Variants in ADGRG6 observed in about 807,000 individuals in gnomAD.
The protein encoded by ADGRG6 is adhesion G protein-coupled receptor G6.
In ADGRG6, 84 loss-of-function variants were observed where a neutral mutation model predicts 142.4. The ratio of observed to expected loss-of-function variants is 0.59; its 90% CI spans 0.49 to 0.71. The LOEUF (loss-of-function observed/expected upper bound fraction) is 0.71. Ranked by LOEUF, ADGRG6 falls within the 30% of genes least tolerant of loss-of-function variation. The pLI, the probability that ADGRG6 is intolerant of heterozygous loss-of-function variation, is 0.00. For synonymous variants in ADGRG6, 521 were observed against 520.5 expected, an observed-to-expected ratio of 1.00 and a Z score of -0.01; for missense variants, 1,367 against 1,466.6, an observed-to-expected ratio of 0.93 and a Z score of 1.11.
chr6:142,317,683 C>T (rs941432433), intron 2 of ADGRG6, among the ~76,000 whole-genome samples: 24 of 123,486 alleles, frequency 1.9e-4, no homozygotes, highest in African/African-American at 7.6e-4. Context: ...AAATGAGCAT[C>T]TTACTGCTCA....
At chr6:142,428,177 CACAT>C (rs1346809563) in intron 22 of ADGRG6, among the ~76,000 whole-genome samples, 1 of 152,056 alleles carries the variant, frequency 6.6e-6, no homozygotes, top group African/African-American at 2.4e-5. Context: ...TATGGGTACT[CACAT>C]AAATTTGAAG....
intron 2 of ADGRG6, among the ~76,000 whole-genome samples, chr6:142,363,165 A>G (rs892528447): frequency 6.6e-6 from 1 of 152,190 alleles, no homozygotes; most frequent in Non-Finnish European, 1.5e-5. Context: ...AGAAGCAATT[A>G]TTCAATATCA....
At chr6:142,436,984 T>C (rs1205455229) in intron 22 of ADGRG6, among the ~76,000 whole-genome samples, 2 of 152,228 alleles carry the variant, frequency 1.3e-5, no homozygotes, top group African/African-American at 2.4e-5. Context: ...AATATAACTA[T>C]AATATACATA....
chr6:142,395,122 T>C (rs951092840), intron 9 of ADGRG6, among the ~76,000 whole-genome samples: 1 of 152,188 alleles, frequency 6.6e-6, no homozygotes, highest in African/African-American at 2.4e-5. Context: ...GAAAGTTATA[T>C]TGAAAGATGT....
Position 142,312,314 on chromosome 6 carries a change from A to G in ADGRG6, c.103+2670A>G, listed in dbSNP as rs145890431. Among the ~76,000 whole-genome samples the G allele has an allele frequency of 7.4e-3, 1,121 of 152,200 alleles. 7 individuals carry two copies. The highest frequency in any genetic ancestry group is 0.061 in the Middle Eastern group (18 of 294). The stretch of plus-strand genomic sequence containing the variant: ...ATAGAATTGCAGTATTAAGTTTGCT[A>G]GTAGGTAAGTTAACATTTATATTTC... On this transcript the variant is annotated intron_variant, in intron 2 of 24. Coordinates refer to ENST00000367609, the MANE Select transcript of ADGRG6 (RefSeq NM_198569.3).
chr6:142,367,955 A>T, intron 3 of ADGRG6, 45 bp downstream of exon 3: 1 of 1,089,206 alleles, frequency 9.2e-7, no homozygotes, highest in South Asian at 1.4e-5. Flanking sequence ...TTTATTTAAC[A>T]TGTTCTGCAG....
intron 22 of ADGRG6, among the ~76,000 whole-genome samples, chr6:142,422,280 C>T (rs1776695876): frequency 6.6e-6 from 1 of 151,980 alleles, no homozygotes; most frequent in African/African-American, 2.4e-5. Context: ...CGTCATCTAG[C>T]ATTAGGTATA....
At chr6:142,377,468 G>C (rs954248716) in intron 4 of ADGRG6, among the ~76,000 whole-genome samples, 2 of 152,186 alleles carry the variant, frequency 1.3e-5, no homozygotes, top group African/African-American at 4.8e-5. Flanking sequence ...TTCCTCATCT[G>C]CACGAAAGCA....
At chr6:142,346,730 A>G (rs1412504567) in intron 2 of ADGRG6, among the ~76,000 whole-genome samples, 1 of 152,152 alleles carries the variant, frequency 6.6e-6, no homozygotes, top group South Asian at 2.1e-4. Flanking sequence ...TTGCAGGGAC[A>G]TGAATGAAGC....
intron 2 of ADGRG6, among the ~76,000 whole-genome samples, chr6:142,338,923 C>CA (rs1779483263): frequency 6.6e-6 from 1 of 152,048 alleles, no homozygotes; most frequent in Non-Finnish European, 1.5e-5. Flanking sequence ...CTCATTATTC[C>CA]AAAAAATTAT....
intron 4 of ADGRG6, among the ~76,000 whole-genome samples, chr6:142,378,139 G>A (rs1781587021): frequency 6.6e-6 from 1 of 152,178 alleles, no homozygotes; most frequent in South Asian, 2.1e-4. Context: ...AAATGTTCAA[G>A]AAAATTGTTA....
At chr6:142,410,415 C>T (rs926173055) in intron 17 of ADGRG6, among the ~76,000 whole-genome samples, 3 of 151,872 alleles carry the variant, frequency 2.0e-5, no homozygotes, top group African/African-American at 7.3e-5. Flanking sequence ...AGATGAAGAG[C>T]CTGCAGAATT....
rs1776577087 is a variant in ADGRG6 at position 142,419,940 on chromosome 6, G to A, written c.3155G>A (p.Gly1052Asp). The A allele has an allele frequency of 6.2e-7, 1 of 1,613,374 alleles. No homozygotes were observed. Among genetic ancestry groups the A allele is most frequent in the Non-Finnish European group, 8.5e-7 (1 of 1,179,608 alleles). The change falls in exon 22 of 25, where the codon GGC becomes GAC. Residue 1052 changes from glycine to aspartate, a missense_variant. Around this residue, in one of 3 missense-constraint regions of ADGRG6, gnomAD observed 344 missense variants for 348.7 expected, o/e 0.99. Coordinates refer to ENST00000367609, the MANE Select transcript of ADGRG6 (RefSeq NM_198569.3). ...ATGGTGCAGATCTGTGGGAGGAATG[G>A]CAAGAGAAGCAACCGGACCCTGAGA... is the stretch of plus-strand genomic sequence containing the variant. ...VVMVQICGRN[G>D]KRSNRTLREE...
chr6:142,393,771 G>A, intron 8 of ADGRG6, 125 bp from the exon 9 acceptor site: 1 of 653,270 alleles, frequency 1.5e-6, no homozygotes. Flanking sequence ...AGAACCTCAG[G>A]ACACACATTT....
At chr6:142,393,379 T>C (rs1287276271) in intron 8 of ADGRG6, among the ~76,000 whole-genome samples, 3 of 152,070 alleles carry the variant, frequency 2.0e-5, no homozygotes, top group Non-Finnish European at 2.9e-5. Context: ...CAGATCTAAT[T>C]TCGTACATCG....
At chr6:142,426,008 G>A (rs1317314115) in intron 22 of ADGRG6, among the ~76,000 whole-genome samples, 1 of 152,094 alleles carries the variant, frequency 6.6e-6, no homozygotes, top group Non-Finnish European at 1.5e-5. Flanking sequence ...CATGATGTGT[G>A]GGAATTGTGG....
intron 2 of ADGRG6, among the ~76,000 whole-genome samples, chr6:142,329,783 G>A (rs1778950265): frequency 6.6e-6 from 1 of 152,102 alleles, no homozygotes. Flanking sequence ...TGCATTCTTG[G>A]TTACTCCTTA....
intron 2 of ADGRG6, among the ~76,000 whole-genome samples, chr6:142,317,829 T>TA (rs1778187820): frequency 1.2e-5 from 1 of 86,530 alleles, no homozygotes; most frequent in African/African-American, 4.9e-5. Context: ...TTAATTTATA[T>TA]TATATATATT....
chr6:142,307,315 G>C (rs749712028), intron 1 of ADGRG6, among the ~76,000 whole-genome samples: 11 of 152,066 alleles, frequency 7.2e-5, no homozygotes, highest in Non-Finnish European at 1.5e-4. Flanking sequence ...TGATTGGTCT[G>C]TCTCTTTATT....
Sources: gnomAD v4.1 joint callset for allele counts (sites outside exome capture counted in the v4.1 genomes callset) on GRCh38, gnomAD v4.1.1 for gene constraint, gnomAD v4.1.1 regional missense constraint, MANE v1.5 for transcripts, NCBI Gene and HGNC (gene_info 2026-07-23, HGNC 2026-07-21) for gene names.